Variants in EYS observed in about 807,000 individuals in gnomAD.
EYS encodes protein eyes shut homolog.
A neutral mutation model predicts 282.1 loss-of-function variants in EYS; 250 were observed. The ratio of observed to expected loss-of-function variants is 0.89; its 90% CI spans 0.80 to 0.98. The LOEUF (loss-of-function observed/expected upper bound fraction) is 0.98, where lower values mean the gene tolerates loss of function less well. Ranked by LOEUF, EYS falls within the 50% of genes least tolerant of loss-of-function variation. The pLI is 0.00. For missense variants in EYS, 4,016 were observed against 3,709.0 expected (o/e 1.08, Z -2.15); for synonymous variants, 1,355 against 1,282.9 (o/e 1.06, Z -1.20).
intron 22 of EYS, among the ~76,000 whole-genome samples, chr6:64,667,402 T>C (rs1204740251): frequency 1.3e-5 from 2 of 151,930 alleles, no homozygotes; most frequent in Non-Finnish European, 2.9e-5. Context: ...TCCTTGCAGC[T>C]TTGGACACAA....
intron 26 of EYS, among the ~76,000 whole-genome samples, chr6:64,537,009 G>T (rs542112449): frequency 0.016 from 2,310 of 145,014 alleles, 47 homozygotes; most frequent in African/African-American, 0.054. Context: ...TATTTATTTT[G>T]TTTTTTTTTT....
Position 64,591,462 on chromosome 6 carries a change from T to C in EYS, c.4405A>G (p.Ile1469Val), listed in dbSNP as rs1562080094. 2 of 1,551,278 alleles carry C rather than the reference T, an allele frequency of 1.3e-6. No individual in the cohort carries two copies. Among genetic ancestry groups the C allele is most frequent in the Non-Finnish European group, 1.7e-6 (2 of 1,146,804 alleles). The change falls in exon 26 of 43, where the codon ATT (isoleucine) becomes GTT (valine). Residue 1469 changes from isoleucine (I) to valine (V), a missense_variant. Transcript: ENST00000503581. Reference sequence around the variant, plus strand: ...AAAGAATCAGCTGAATATTCTTCAATATCCTCTTGAGCCCCCCTAGAGACA... The same window carrying C: ...AAAGAATCAGCTGAATATTCTTCAACATCCTCTTGAGCCCCCCTAGAGACA... ...PVVSRGAQEDIEEYSADSLIS... is the reference protein window; with the variant it reads ...PVVSRGAQEDVEEYSADSLIS...
chr6:64,626,025 T>C, intron 23 of EYS, 96 bp downstream of exon 23: 1 of 696,462 alleles, frequency 1.4e-6, no homozygotes, highest in Non-Finnish European at 2.3e-6. Flanking sequence ...TGGAGTGGAT[T>C]GTCAAAATTG....
intron 31 of EYS, among the ~76,000 whole-genome samples, chr6:64,089,442 G>T (rs1344642520): frequency 6.7e-6 from 1 of 149,188 alleles, no homozygotes; most frequent in Non-Finnish European, 1.5e-5. Flanking sequence ...CAATTAAAAT[G>T]ATTATAATTA....
intron 41 of EYS, among the ~76,000 whole-genome samples, chr6:63,740,024 C>T (rs1015980369): frequency 6.6e-6 from 1 of 152,042 alleles, no homozygotes; most frequent in Non-Finnish European, 1.5e-5. Flanking sequence ...TTATTTATAG[C>T]ACTTAAGATT....
intron 35 of EYS, among the ~76,000 whole-genome samples, chr6:63,898,254 T>C (rs1226842107): frequency 2.0e-5 from 3 of 152,074 alleles, no homozygotes; most frequent in African/African-American, 7.2e-5. Context: ...GTTGGGAGGC[T>C]GAGGCGGGTG....
At chr6:64,024,305 A>C (rs985522143) in intron 33 of EYS, among the ~76,000 whole-genome samples, 6 of 152,108 alleles carry the variant, frequency 3.9e-5, no homozygotes, top group Non-Finnish European at 8.8e-5. Context: ...ACCAATTGAC[A>C]CTATGTATCT....
chr6:64,051,633 T>C (rs1322567594), intron 33 of EYS, among the ~76,000 whole-genome samples: 1 of 152,186 alleles, frequency 6.6e-6, no homozygotes, highest in Non-Finnish European at 1.5e-5. Flanking sequence ...ATCTTTGTGT[T>C]AGTCAAGATC....
At chr6:65,231,497 G>C (rs2150268425) in intron 12 of EYS, among the ~76,000 whole-genome samples, 1 of 151,520 alleles carries the variant, frequency 6.6e-6, no homozygotes, top group Non-Finnish European at 1.5e-5. Flanking sequence ...ACATTGTGTT[G>C]GCAGAGAAAA....
At chr6:64,762,435 A>C (rs1474171587) in intron 22 of EYS, among the ~76,000 whole-genome samples, 1 of 152,216 alleles carries the variant, frequency 6.6e-6, no homozygotes, top group Non-Finnish European at 1.5e-5. Context: ...ACTTGGAGCA[A>C]ATATCAGTTG....
At chr6:64,228,206 A>G (rs112098600) in intron 31 of EYS, among the ~76,000 whole-genome samples, 34 of 152,276 alleles carry the variant, frequency 2.2e-4, no homozygotes, top group African/African-American at 7.0e-4. Context: ...GGCTTTCTTT[A>G]TGACAGAAAG....
At chr6:64,581,598 T>A (rs1041829788) in intron 26 of EYS, among the ~76,000 whole-genome samples, 1 of 152,176 alleles carries the variant, frequency 6.6e-6, no homozygotes, top group Non-Finnish European at 1.5e-5. Flanking sequence ...AATTTAAGAA[T>A]TAAACATCAA....
At chr6:64,101,896 T>A (rs1183917971) in intron 31 of EYS, among the ~76,000 whole-genome samples, 2 of 151,914 alleles carry the variant, frequency 1.3e-5, no homozygotes, top group Non-Finnish European at 2.9e-5. Context: ...TAGATTCTCA[T>A]AGGGAGTGTG....
At chr6:64,214,776 A>G (rs1283810762) in intron 31 of EYS, among the ~76,000 whole-genome samples, 2 of 152,036 alleles carry the variant, frequency 1.3e-5, no homozygotes, top group Non-Finnish European at 2.9e-5. Flanking sequence ...ATTCACATTT[A>G]TGTTATGGAA....
At chr6:64,847,473 C>G (rs959585433) in intron 19 of EYS, among the ~76,000 whole-genome samples, 3 of 151,798 alleles carry the variant, frequency 2.0e-5, no homozygotes, top group Non-Finnish European at 4.4e-5. Context: ...ATCTCATATC[C>G]TCATCTTTAA....
intron 12 of EYS, among the ~76,000 whole-genome samples, chr6:65,133,183 A>G (rs951433915): frequency 3.3e-5 from 5 of 152,088 alleles, no homozygotes; most frequent in Non-Finnish European, 5.9e-5. Flanking sequence ...TACCAATGAC[A>G]TTCTTCACAG....
chr6:65,440,926 TA>T (rs1052254379), intron 5 of EYS, among the ~76,000 whole-genome samples: 25 of 147,448 alleles, frequency 1.7e-4, no homozygotes, highest in African/African-American at 5.4e-4. Flanking sequence ...AGTATATATA[TA>T]AAAAACAGTG....
At chr6:64,910,831 A>G (rs1767967429) in intron 16 of EYS, among the ~76,000 whole-genome samples, 1 of 152,074 alleles carries the variant, frequency 6.6e-6, no homozygotes, top group African/African-American at 2.4e-5. Flanking sequence ...TATTAAATGC[A>G]CTTATAAATA....
At chr6:64,009,688 T>A (rs1768515461) in intron 33 of EYS, among the ~76,000 whole-genome samples, 1 of 152,228 alleles carries the variant, frequency 6.6e-6, no homozygotes, top group Non-Finnish European at 1.5e-5. Context: ...TGAATCTTGA[T>A]GATCTTTGTT....
Sources: allele counts gnomAD v4.1 joint callset (sites outside exome capture counted in the v4.1 genomes callset), GRCh38; gene constraint gnomAD v4.1.1; transcripts MANE v1.5; gene names NCBI Gene and HGNC (gene_info 2026-07-23, HGNC 2026-07-21).